NAV2: variants seen among roughly 807,000 people sequenced by gnomAD.
The protein encoded by NAV2 is helicase, APC down-regulated 1.
NAV2 carries 54 observed loss-of-function variants against 223.2 expected under a neutral mutation model. That is an observed-to-expected ratio of 0.24 (90% CI 0.19 to 0.30). NAV2 has a LOEUF of 0.30. NAV2 is among the 10% of genes least tolerant of loss of function. The pLI is 1.00. For synonymous variants in NAV2, 1,279 were observed against 1,239.3 expected (o/e 1.03, Z -0.67); for missense variants, 2,806 against 3,147.5 (o/e 0.89, Z 2.60).
intron 1 of NAV2, among the ~76,000 whole-genome samples, chr11:19,686,721 G>A (rs559557026): frequency 2.0e-4 from 30 of 152,326 alleles, no homozygotes; most frequent in African/African-American, 7.2e-4. Flanking sequence ...CTAGACTCGA[G>A]GAGGCCCGGA....
chr11:19,569,951 A>G (rs927788684), intron 1 of NAV2, among the ~76,000 whole-genome samples: 20 of 152,240 alleles, frequency 1.3e-4, no homozygotes, highest in African/African-American at 4.8e-4. Flanking sequence ...TTCCCCTTGT[A>G]TTCAACCAGG....
intron 1 of NAV2, among the ~76,000 whole-genome samples, chr11:19,624,511 G>A (rs1043005467): frequency 6.6e-6 from 1 of 152,202 alleles, no homozygotes; most frequent in Non-Finnish European, 1.5e-5. Context: ...AGACTGCTCT[G>A]CTAGCAGTGA....
At chr11:19,557,899 C>G (rs1016151171) in intron 1 of NAV2, among the ~76,000 whole-genome samples, 1 of 152,104 alleles carries the variant, frequency 6.6e-6, no homozygotes, top group East Asian at 1.9e-4. Context: ...GAGGGCACTT[C>G]GTCTGGTGAA....
chr11:19,963,134 C>G (rs2048471881), intron 10 of NAV2, among the ~76,000 whole-genome samples: 1 of 152,216 alleles, frequency 6.6e-6, no homozygotes, highest in Non-Finnish European at 1.5e-5. Context: ...GCTGTGGTGG[C>G]ACTGTAATTC....
At position 19,390,125 on chromosome 11, in the gene NAV2, C is replaced by T. The variant is rs78978721; in HGVS notation, c.75+39098C>T. Among the ~76,000 whole-genome samples, 976 of 152,270 alleles carry T rather than the reference C, an allele frequency of 6.4e-3. 6 individuals carry two copies. The highest frequency in any genetic ancestry group is 0.022 in the African/African-American group (935 of 41,556). On this transcript the variant is annotated intron_variant, in intron 1 of 37. Coordinates refer to the NAV2 transcript ENST00000360655. ...CTGATTGCATGATAATCTCCTGGGGCGCAGTGTCCATTCCAGGATCCTCAC... is the reference window on the plus strand; with the variant it reads ...CTGATTGCATGATAATCTCCTGGGGTGCAGTGTCCATTCCAGGATCCTCAC...
intron 10 of NAV2, among the ~76,000 whole-genome samples, chr11:19,969,533 T>A (rs1345969093): frequency 6.6e-6 from 1 of 152,206 alleles, no homozygotes. Context: ...TCCAAGACCC[T>A]CGGTGGATGC....
At chr11:19,368,052 A>C (rs938292043) in intron 1 of NAV2, among the ~76,000 whole-genome samples, 2 of 152,150 alleles carry the variant, frequency 1.3e-5, no homozygotes, top group African/African-American at 4.8e-5. Flanking sequence ...AGATTTGGGG[A>C]TCAGAAGGGC....
intron 1 of NAV2, among the ~76,000 whole-genome samples, chr11:19,680,262 G>A (rs1362215738): frequency 3.9e-5 from 6 of 152,044 alleles, no homozygotes; most frequent in East Asian, 1.9e-4. Flanking sequence ...TTTTGGCACC[G>A]AATGCAGTGC....
chr11:19,402,638 C>A (rs1849734221), intron 1 of NAV2, among the ~76,000 whole-genome samples: 1 of 152,200 alleles, frequency 6.6e-6, no homozygotes, highest in African/African-American at 2.4e-5. Flanking sequence ...AACAACCCCT[C>A]GCACATAGCA....
Position 20,097,774 on chromosome 11 carries a change from C to G in NAV2, c.6181+29C>G, listed in dbSNP as rs1046639158. ...ATTGAGCTTGTTGCAGAAGTCGGAG[C>G]TTTCAGGAATTGCAGTGTTTGTTTT... On this transcript the variant is annotated intron_variant, in intron 31 of 37. Transcript: ENST00000349880. The G allele has an allele frequency of 2.6e-6, 4 of 1,542,630 alleles. No individual in the cohort carries two copies. The African/African-American group carries it at 4.1e-5, about 16-fold the overall frequency.
At chr11:19,872,454 C>T (rs2062573112) in intron 4 of NAV2, among the ~76,000 whole-genome samples, 1 of 152,256 alleles carries the variant, frequency 6.6e-6, no homozygotes, top group Non-Finnish European at 1.5e-5. Context: ...TGTGCTACTG[C>T]ACATTACTGC....
chr11:19,948,995 G>C lies in NAV2; in HGVS notation c.2560G>C (p.Glu854Gln). Residue 854 changes from glutamate (E) to glutamine (Q), a missense_variant, in exon 10 of 38, where the codon GAA becomes CAA. This residue lies in a region of NAV2 where 1,167 missense variants were observed against 1,180.5 expected (regional missense o/e 0.99). Transcript: ENST00000349880. ...CAAGGCAGGAGATGAGATGGACCTG[G>C]AAGGCATCAGCATGGATGCCCCCGG... ...SDKAGDEMDL[E>Q]GISMDAPGYM... is the part of the protein sequence containing the mutation. 3 of 1,613,902 alleles carry C rather than the reference G, an allele frequency of 1.9e-6. No homozygotes were observed. Among genetic ancestry groups the C allele is most frequent in the Non-Finnish European group, 2.5e-6 (3 of 1,179,832 alleles).
intron 1 of NAV2, among the ~76,000 whole-genome samples, chr11:19,521,873 T>A (rs2043668560): frequency 6.6e-6 from 1 of 152,206 alleles, no homozygotes; most frequent in African/African-American, 2.4e-5. Flanking sequence ...TATCATTCAA[T>A]CACTTTTGTG....
intron 3 of NAV2, among the ~76,000 whole-genome samples, chr11:19,863,536 C>CCCTAA (rs747364619): frequency 2.2e-4 from 33 of 152,142 alleles, no homozygotes; most frequent in Non-Finnish European, 3.1e-4. Context: ...ATGTGCTGCA[C>CCCTAA]CCTATCCTAG....
At chr11:19,974,179 C>T (rs764795713) in intron 10 of NAV2, among the ~76,000 whole-genome samples, 7 of 152,206 alleles carry the variant, frequency 4.6e-5, no homozygotes, top group African/African-American at 9.7e-5. Context: ...TCCAATCTAG[C>T]ACACAGTTCT....
intron 1 of NAV2, among the ~76,000 whole-genome samples, chr11:19,656,554 A>G (rs1448707959): frequency 6.6e-6 from 1 of 152,206 alleles, no homozygotes; most frequent in African/African-American, 2.4e-5. Context: ...ATTTCACTCC[A>G]TGTTTGAAGG....
chr11:19,351,140 G>A lies in NAV2; in HGVS notation c.75+113G>A, dbSNP rs74335184. On this transcript the variant is annotated intron_variant, in intron 1 of 37. Coordinates refer to the NAV2 transcript ENST00000360655. ...TGCTTGTCTGTCTTTCTCTCCGGAAGGAGGTAGCATGGTGGCTTGAGATTT... is the reference window on the plus strand; with the variant it reads ...TGCTTGTCTGTCTTTCTCTCCGGAAAGAGGTAGCATGGTGGCTTGAGATTT... 3.5e-3 allele frequency: 3,836 copies of A among 1,092,914 alleles called. 102 individuals are homozygous for A. The African/African-American group carries it at 0.053, about 15-fold the overall frequency. 67.7% of individuals were successfully genotyped at this position (1,092,914 alleles called of 1,614,324 possible). A position where few individuals can be genotyped will look rare whatever the true frequency, so the allele number is the denominator to read the frequency against.
At chr11:19,833,067 G>A (rs958698576) in intron 2 of NAV2, among the ~76,000 whole-genome samples, 1 of 152,210 alleles carries the variant, frequency 6.6e-6, no homozygotes, top group East Asian at 1.9e-4. Context: ...AGATGGTCCG[G>A]GTTAATACTA....
At position 19,632,773 on chromosome 11, in the gene NAV2, G is replaced by T. The variant is rs1000746462; in HGVS notation, c.76-199711G>T. On this transcript the variant is annotated intron_variant, in intron 1 of 37. Coordinates refer to the NAV2 transcript ENST00000360655. The stretch of plus-strand genomic sequence containing the variant: ...CACGGATGTTATAAAAGAAATATAA[G>T]CCTGAGTTCATGACTTCTACATGCT... Among the ~76,000 whole-genome samples, 9 of 152,302 alleles carry T rather than the reference G, an allele frequency of 5.9e-5. No homozygotes were observed. The East Asian group carries it at 9.6e-4, about 16-fold the overall frequency.
Sources: allele counts gnomAD v4.1 joint callset (sites outside exome capture counted in the v4.1 genomes callset), GRCh38; gene constraint gnomAD v4.1.1; regional missense constraint gnomAD v4.1.1; transcripts MANE v1.5; gene names NCBI Gene and HGNC (gene_info 2026-07-23, HGNC 2026-07-21).